Variants in CBLB observed in about 807,000 individuals in gnomAD.
CBLB encodes the protein Cbl proto-oncogene B, also known as E3 ubiquitin-protein ligase CBL-B.
A neutral mutation model predicts 104.9 loss-of-function variants in CBLB; 31 were observed. The ratio of observed to expected loss-of-function variants is 0.30; its 90% CI spans 0.22 to 0.40. CBLB has a LOEUF of 0.40. CBLB is among the 10% of genes least tolerant of loss of function. The pLI is 1.00. For synonymous variants in CBLB, 440 were observed against 422.6 expected, an observed-to-expected ratio of 1.04 and a Z score of -0.51; for missense variants, 1,062 against 1,214.6, an observed-to-expected ratio of 0.87 and a Z score of 1.87.
At chr3:105,795,909 AATTTTTGT>A (rs1449091896) in intron 3 of CBLB, among the ~76,000 whole-genome samples, 2 of 151,592 alleles carry the variant, frequency 1.3e-5, no homozygotes, top group Non-Finnish European at 2.9e-5. Flanking sequence ...ATGCCTGGTT[AATTTTTGT>A]ATTTTTAGTA....
chr3:105,704,231 T>C, intron 10 of CBLB, 58 bp from the exon 11 acceptor site: 1 of 1,511,140 alleles, frequency 6.6e-7, no homozygotes, highest in Non-Finnish European at 9.2e-7. Context: ...GTGTTCTCTG[T>C]TCTTAAAGAA....
chr3:105,660,827 T>C (rs540106556), intron 18 of CBLB, among the ~76,000 whole-genome samples: 1 of 147,884 alleles, frequency 6.8e-6, no homozygotes, highest in African/African-American at 2.5e-5. Context: ...AATCAAAAGA[T>C]GTATGATATT....
intron 4 of CBLB, among the ~76,000 whole-genome samples, chr3:105,753,843 T>A (rs1167784209): frequency 6.6e-6 from 1 of 152,208 alleles, no homozygotes; most frequent in Non-Finnish European, 1.5e-5. Context: ...GAGCCAGTTA[T>A]ACGAGATGTA....
intron 18 of CBLB, among the ~76,000 whole-genome samples, chr3:105,663,869 A>G (rs2064076978): frequency 6.6e-6 from 1 of 151,146 alleles, no homozygotes; most frequent in Non-Finnish European, 1.5e-5. Flanking sequence ...TCTGTAGTTT[A>G]AACTTTCATT....
In CBLB at chr3:105,821,418, C is replaced by A. The variant is rs546277844; in HGVS notation, c.419+31996G>T. On this transcript the variant is annotated intron_variant, in intron 3 of 18. Transcript: ENST00000394030. The stretch of plus-strand genomic sequence containing the variant: ...TGCCAGAGCAAATGATCTAATCAGT[C>A]CTTTCTAGTCCTAAAATAGGTAGGA... Among the ~76,000 whole-genome samples, 15 of 152,274 alleles carry A rather than the reference C, an allele frequency of 9.9e-5. No homozygotes were observed. In the South Asian group the frequency reaches 2.9e-3, roughly 29 times the overall value.
At chr3:105,670,553 T>G in intron 17 of CBLB, 3 of 556,234 alleles carry the variant, frequency 5.4e-6, no homozygotes, top group Non-Finnish European at 9.6e-6. Context: ...CTCTTCACAT[T>G]TATTTCCAGA....
At chr3:105,851,202 T>C (rs2090904045) in intron 3 of CBLB, among the ~76,000 whole-genome samples, 1 of 152,064 alleles carries the variant, frequency 6.6e-6, no homozygotes, top group Non-Finnish European at 1.5e-5. Context: ...TTCAGTGGCA[T>C]AAAGAAATGA....
At chr3:105,700,078 T>C (rs775297959) in intron 12 of CBLB, among the ~76,000 whole-genome samples, 14 of 152,100 alleles carry the variant, frequency 9.2e-5, no homozygotes, top group Non-Finnish European at 1.6e-4. Flanking sequence ...GATCACAACA[T>C]GAAAGTTCAC....
At chr3:105,692,770 T>C (rs1310584273) in intron 13 of CBLB, among the ~76,000 whole-genome samples, 1 of 151,286 alleles carries the variant, frequency 6.6e-6, no homozygotes, top group Admixed American at 6.6e-5. Context: ...GAACAAAATA[T>C]ACCGGAGGAA....
chr3:105,832,037 T>A (rs150714711), intron 3 of CBLB, among the ~76,000 whole-genome samples: 5 of 152,170 alleles, frequency 3.3e-5, no homozygotes, highest in South Asian at 2.1e-4. Flanking sequence ...TAAAAAAAAA[T>A]TTAATTATAT....
At chr3:105,798,729 C>T (rs1419170847) in intron 3 of CBLB, among the ~76,000 whole-genome samples, 1 of 152,164 alleles carries the variant, frequency 6.6e-6, no homozygotes, top group Non-Finnish European at 1.5e-5. Flanking sequence ...CCAAGAGCTA[C>T]TCTTTTTTTT....
chr3:105,691,293 A>C (rs1032264805), intron 13 of CBLB, among the ~76,000 whole-genome samples: 8 of 152,234 alleles, frequency 5.3e-5, no homozygotes, highest in Non-Finnish European at 1.2e-4. Flanking sequence ...GCAAGCATGC[A>C]CTGTTAAAAT....
chr3:105,772,165 A>G (rs1259701288), intron 4 of CBLB, among the ~76,000 whole-genome samples: 2 of 152,362 alleles, frequency 1.3e-5, no homozygotes, highest in South Asian at 4.1e-4. Flanking sequence ...TGGTACTGGT[A>G]TAATGACAGG....
rs140748625 is a variant in CBLB at position 105,854,788 on chromosome 3, G to A, written c.169-1124C>T. On this transcript the variant is annotated intron_variant, in intron 2 of 18. Transcript: ENST00000394030. ...GCTGGGATTACAGGTGCCTGCCACC[G>A]CACCTGGCTAATTTTTATATTTTTA... 8.1e-3 allele frequency among the ~76,000 whole-genome samples: 1,235 copies of A among 151,898 alleles called. 7 individuals are homozygous for A. The highest frequency in any genetic ancestry group is 0.014 in the Non-Finnish European group (935 of 67,934).
chr3:105,727,092 G>A (rs1447797913), intron 9 of CBLB, among the ~76,000 whole-genome samples: 1 of 152,086 alleles, frequency 6.6e-6, no homozygotes, highest in Non-Finnish European at 1.5e-5. Flanking sequence ...TGGGTCAAAT[G>A]GTATTTCTGA....
At chr3:105,795,173 A>C (rs1221403770) in intron 3 of CBLB, among the ~76,000 whole-genome samples, 1 of 152,178 alleles carries the variant, frequency 6.6e-6, no homozygotes, top group Non-Finnish European at 1.5e-5. Flanking sequence ...CGGCCTCCGA[A>C]AGTGCTGGGA....
chr3:105,680,006 T>G (rs2152724093), intron 16 of CBLB, among the ~76,000 whole-genome samples: 1 of 152,130 alleles, frequency 6.6e-6, no homozygotes, highest in South Asian at 2.1e-4. Flanking sequence ...ATCAAAATTA[T>G]AAGGCTCTGA....
chr3:105,809,128 CAGAT>C (rs1025107230), intron 3 of CBLB, among the ~76,000 whole-genome samples: 79 of 152,284 alleles, frequency 5.2e-4, no homozygotes, highest in African/African-American at 1.5e-3. Context: ...AACGGAGAAA[CAGAT>C]AGAAGCAGAC....
At chr3:105,709,398 T>C (rs897462034) in intron 10 of CBLB, among the ~76,000 whole-genome samples, 28 of 152,008 alleles carry the variant, frequency 1.8e-4, no homozygotes, top group Middle Eastern at 3.4e-3. Context: ...ATTTTCTGTT[T>C]ATTTCACTTT....
Sources: allele counts gnomAD v4.1 joint callset (sites outside exome capture counted in the v4.1 genomes callset), GRCh38; gene constraint gnomAD v4.1.1; transcripts MANE v1.5; gene names NCBI Gene and HGNC (gene_info 2026-07-23, HGNC 2026-07-21).